ADAMTS18: variants seen among roughly 807,000 people sequenced by gnomAD.
The protein encoded by ADAMTS18 is ADAM metallopeptidase with thrombospondin type 1 motif 18.
ADAMTS18 carries 157 observed loss-of-function variants against 165.9 expected under a neutral mutation model. The ratio of observed to expected loss-of-function variants is 0.95; its 90% CI spans 0.83 to 1.08. The LOEUF (loss-of-function observed/expected upper bound fraction) is 1.08. Among genes scored for constraint, ADAMTS18 ranks in the 50% least tolerant of loss-of-function variants. The probability of loss-of-function intolerance (pLI) is 0.00; values close to 1 mark genes in which losing one functional copy is unlikely to be tolerated. For synonymous variants in ADAMTS18, 782 were observed against 578.2 expected (o/e 1.35, Z -5.06); for missense variants, 2,040 against 1,534.0 (o/e 1.33, Z -5.51).
chr16:77,392,054 G>T (rs1234888399), intron 3 of ADAMTS18, among the ~76,000 whole-genome samples: 2 of 152,152 alleles, frequency 1.3e-5, no homozygotes, highest in Non-Finnish European at 2.9e-5. Context: ...TCATTGTGCA[G>T]AAAAATCGAA....
chr16:77,368,014 C>T (rs2056823984), intron 3 of ADAMTS18, among the ~76,000 whole-genome samples: 1 of 152,104 alleles, frequency 6.6e-6, no homozygotes, highest in South Asian at 2.1e-4. Flanking sequence ...GTAGCTGAGA[C>T]TACAGGCACG....
At chr16:77,403,356 T>G (rs941761575) in intron 3 of ADAMTS18, among the ~76,000 whole-genome samples, 2 of 144,602 alleles carry the variant, frequency 1.4e-5, no homozygotes, top group Non-Finnish European at 3.2e-5. Flanking sequence ...GTAGGCAGTA[T>G]GAAGAGTAAG....
At chr16:77,421,412 T>C (rs899485435) in intron 3 of ADAMTS18, among the ~76,000 whole-genome samples, 4 of 152,232 alleles carry the variant, frequency 2.6e-5, no homozygotes, top group African/African-American at 9.6e-5. Context: ...TCCAAGCAAA[T>C]GTTTTTGGTC....
At chr16:77,390,018 T>C (rs1227288205) in intron 3 of ADAMTS18, among the ~76,000 whole-genome samples, 1 of 152,124 alleles carries the variant, frequency 6.6e-6, no homozygotes, top group Non-Finnish European at 1.5e-5. Context: ...ATCTACAAAA[T>C]CTACTATGCT....
intron 12 of ADAMTS18, among the ~76,000 whole-genome samples, chr16:77,329,916 G>T (rs900429381): frequency 6.6e-6 from 1 of 152,096 alleles, no homozygotes; most frequent in Admixed American, 6.6e-5. Flanking sequence ...ACCATCATTT[G>T]CTTCTGCATC....
At chr16:77,290,403 C>G (rs1366436835) in intron 21 of ADAMTS18, 2 of 152,134 alleles carry the variant, frequency 1.3e-5, no homozygotes, top group Non-Finnish European at 2.9e-5. Context: ...TTGCTGACCC[C>G]TTAATCTAAA....
intron 3 of ADAMTS18, among the ~76,000 whole-genome samples, chr16:77,398,409 T>C (rs1195759154): frequency 6.6e-6 from 1 of 152,002 alleles, no homozygotes; most frequent in Non-Finnish European, 1.5e-5. Flanking sequence ...GGGAGTGGTA[T>C]AACAATCACA....
At chr16:77,365,319 AT>A (rs2056777723) in intron 4 of ADAMTS18, among the ~76,000 whole-genome samples, 1 of 152,176 alleles carries the variant, frequency 6.6e-6, no homozygotes, top group African/African-American at 2.4e-5. Flanking sequence ...TTGGATCTAA[AT>A]TTATTATTTT....
At chr16:77,390,602 A>G (rs1419791249) in intron 3 of ADAMTS18, among the ~76,000 whole-genome samples, 1 of 152,038 alleles carries the variant, frequency 6.6e-6, no homozygotes, top group Non-Finnish European at 1.5e-5. Flanking sequence ...AGGCAGGAGA[A>G]TTGCCTGAAC....
At chr16:77,329,375 T>G (rs2056149935) in intron 12 of ADAMTS18, among the ~76,000 whole-genome samples, 1 of 152,158 alleles carries the variant, frequency 6.6e-6, no homozygotes, top group Non-Finnish European at 1.5e-5. Flanking sequence ...AGTGCTGGAA[T>G]TACAAGCATG....
At chr16:77,402,461 C>A (rs2057343349) in intron 3 of ADAMTS18, among the ~76,000 whole-genome samples, 1 of 152,112 alleles carries the variant, frequency 6.6e-6, no homozygotes, top group Admixed American at 6.6e-5. Flanking sequence ...CAGGCTCCTG[C>A]AAATCCCTGG....
intron 3 of ADAMTS18, among the ~76,000 whole-genome samples, chr16:77,379,329 A>G (rs566405347): frequency 4.9e-4 from 75 of 151,776 alleles, no homozygotes; most frequent in African/African-American, 1.8e-3. Context: ...TGGTTTGGCT[A>G]GCATCATGGG....
chr16:77,423,327 A>C (rs1301873178), intron 3 of ADAMTS18, among the ~76,000 whole-genome samples: 1 of 152,176 alleles, frequency 6.6e-6, no homozygotes, highest in Non-Finnish European at 1.5e-5. Context: ...GATTGTAAGA[A>C]CTGTCAGCAG....
intron 10 of ADAMTS18, among the ~76,000 whole-genome samples, chr16:77,349,792 G>A (rs181665244): frequency 4.6e-5 from 7 of 152,250 alleles, no homozygotes; most frequent in Admixed American, 2.0e-4. Context: ...AATATACACC[G>A]ATCCTGCTAT....
intron 3 of ADAMTS18, among the ~76,000 whole-genome samples, chr16:77,397,494 G>A (rs1370631046): frequency 6.6e-6 from 1 of 152,172 alleles, no homozygotes; most frequent in Non-Finnish European, 1.5e-5. Flanking sequence ...TTTTTGACAA[G>A]TTTAATGGTT....
intron 3 of ADAMTS18, among the ~76,000 whole-genome samples, chr16:77,402,144 C>T (rs1040970607): frequency 6.6e-6 from 1 of 152,198 alleles, no homozygotes; most frequent in Non-Finnish European, 1.5e-5. Context: ...TGTTTTTCTA[C>T]GGAACGCTGA....
At chr16:77,423,168 T>C (rs1047329791) in intron 3 of ADAMTS18, among the ~76,000 whole-genome samples, 16 of 152,234 alleles carry the variant, frequency 1.1e-4, no homozygotes, top group Non-Finnish European at 2.9e-5. Context: ...TAACTACTTA[T>C]AACGCCAGCT....
At position 77,321,086 on chromosome 16, in the gene ADAMTS18, T is replaced by C; in HGVS notation, c.2280A>G (p.Lys760=). Residue 760 remains lysine (K), a synonymous_variant, in exon 15 of 23, where the codon AAA becomes AAG. Coordinates refer to ENST00000282849, the MANE Select transcript of ADAMTS18 (RefSeq NM_199355.4). ...AACAGCAGCATCTCTCACCATTTGCTTTATGCTGGTTGAGGTACAGGCCTT... is the reference window on the plus strand; with the variant it reads ...AACAGCAGCATCTCTCACCATTTGCCTTATGCTGGTTGAGGTACAGGCCTT... The part of the protein sequence containing the change: ...FYKGLYLNQH[K]ANEYYPVVLI... The C allele has an allele frequency of 6.2e-7, 1 of 1,614,202 alleles. No individual in the cohort carries two copies. The highest frequency in any genetic ancestry group is 8.5e-7 in the Non-Finnish European group (1 of 1,180,026).
intron 18 of ADAMTS18, among the ~76,000 whole-genome samples, chr16:77,296,465 A>C (rs1215416121): frequency 6.6e-6 from 1 of 152,170 alleles, no homozygotes; most frequent in Non-Finnish European, 1.5e-5. Context: ...ACACAACCGC[A>C]CGCAAATTGA....
Sources: gnomAD v4.1 joint callset for allele counts (sites outside exome capture counted in the v4.1 genomes callset) on GRCh38, gnomAD v4.1.1 for gene constraint, MANE v1.5 for transcripts, NCBI Gene and HGNC (gene_info 2026-07-23, HGNC 2026-07-21) for gene names.